ROBO2: variants seen among roughly 807,000 people sequenced by gnomAD.
ROBO2 encodes roundabout guidance receptor 2.
In ROBO2, 53 loss-of-function variants were observed where a neutral mutation model predicts 160.8. That is an observed-to-expected ratio of 0.33 (90% confidence interval 0.26 to 0.41). The LOEUF is 0.41. Among genes scored for constraint, ROBO2 ranks in the 10% least tolerant of loss-of-function variants. ROBO2 has a pLI of 1.00. For missense variants in ROBO2, 1,577 were observed against 1,722.4 expected, an observed-to-expected ratio of 0.92 and a Z score of 1.49; for synonymous variants, 664 against 611.7, an observed-to-expected ratio of 1.09 and a Z score of -1.26.
exon 22 of ROBO2, chr3:77,617,596 A>G: frequency 1.2e-6 from 2 of 1,614,172 alleles, no homozygotes; most frequent in Non-Finnish European, 1.7e-6. Context: ...GAAGAAGATG[A>G]TGATAGGGTC....
chr3:76,251,308 G>C (rs1037611130), intron 2 of ROBO2, among the ~76,000 whole-genome samples: 1 of 151,998 alleles, frequency 6.6e-6, no homozygotes, highest in Non-Finnish European at 1.5e-5. Context: ...GGGTATGAAA[G>C]AGACGTGAAA....
chr3:76,119,857 T>A (rs2070646393), intron 2 of ROBO2, among the ~76,000 whole-genome samples: 1 of 150,982 alleles, frequency 6.6e-6, no homozygotes, highest in Non-Finnish European at 1.5e-5. Flanking sequence ...TCTCTCTCTC[T>A]CTCTCCCTCC....
At chr3:77,565,493 C>T (rs1310561562) in intron 12 of ROBO2, among the ~76,000 whole-genome samples, 4 of 151,948 alleles carry the variant, frequency 2.6e-5, no homozygotes, top group Non-Finnish European at 5.9e-5. Context: ...AAAATTATGT[C>T]CTATTGTTTC....
At chr3:77,384,590 G>A (rs147711441) in intron 2 of ROBO2, among the ~76,000 whole-genome samples, 95 of 152,226 alleles carry the variant, frequency 6.2e-4, no homozygotes, top group African/African-American at 2.2e-3. Context: ...GACACAAATT[G>A]TACCTTATTA....
chr3:77,384,555 CT>C (rs1320281472), intron 2 of ROBO2, among the ~76,000 whole-genome samples: 3 of 152,154 alleles, frequency 2.0e-5, no homozygotes, highest in Non-Finnish European at 4.4e-5. Context: ...TCTCCTATTA[CT>C]GAGAAGATTA....
intron 2 of ROBO2, among the ~76,000 whole-genome samples, chr3:75,939,397 C>A (rs573931409): frequency 6.6e-6 from 1 of 152,188 alleles, no homozygotes; most frequent in African/African-American, 2.4e-5. Flanking sequence ...TTTATTTACT[C>A]AATATTGATT....
At chr3:76,688,081 C>T (rs1292797856) in intron 2 of ROBO2, among the ~76,000 whole-genome samples, 3 of 151,964 alleles carry the variant, frequency 2.0e-5, no homozygotes, top group Non-Finnish European at 4.4e-5. Flanking sequence ...AGAATCATAT[C>T]GATGACTGAA....
intron 2 of ROBO2, among the ~76,000 whole-genome samples, chr3:77,279,137 G>A (rs73845556): frequency 0.02 from 3,042 of 152,050 alleles, 75 homozygotes; most frequent in African/African-American, 0.07. Context: ...AACTGAAAAC[G>A]TCTCTTTTTT....
At chr3:77,018,726 G>T (rs1012272876) in intron 2 of ROBO2, among the ~76,000 whole-genome samples, 7 of 152,072 alleles carry the variant, frequency 4.6e-5, no homozygotes, top group Non-Finnish European at 5.9e-5. Context: ...AGAAAAAATG[G>T]TTTGCAAAAA....
intron 2 of ROBO2, among the ~76,000 whole-genome samples, chr3:76,740,232 G>T (rs1036807599): frequency 3.3e-5 from 5 of 152,146 alleles, no homozygotes; most frequent in Non-Finnish European, 5.9e-5. Context: ...AAAATGTCTT[G>T]TGAAAACCTC....
At chr3:77,224,978 C>T (rs2086300672) in intron 2 of ROBO2, among the ~76,000 whole-genome samples, 1 of 151,730 alleles carries the variant, frequency 6.6e-6, no homozygotes, top group Non-Finnish European at 1.5e-5. Flanking sequence ...CCAAATTTAT[C>T]ATTATATGAT....
chr3:76,926,289 A>C (rs1372282684), intron 2 of ROBO2, among the ~76,000 whole-genome samples: 1 of 152,198 alleles, frequency 6.6e-6, no homozygotes, highest in Admixed American at 6.5e-5. Context: ...CCTTTTACAT[A>C]AAAGCGTGAC....
intron 2 of ROBO2, among the ~76,000 whole-genome samples, chr3:76,654,198 C>A (rs1050138382): frequency 6.6e-6 from 1 of 151,968 alleles, no homozygotes; most frequent in Non-Finnish European, 1.5e-5. Flanking sequence ...TTTAGAAAGC[C>A]GTCATTAATT....
chr3:76,926,423 T>C (rs2076995188), intron 2 of ROBO2, among the ~76,000 whole-genome samples: 1 of 152,214 alleles, frequency 6.6e-6, no homozygotes, highest in Non-Finnish European at 1.5e-5. Flanking sequence ...TGAATCCCTT[T>C]AGGTTCTTTT....
chr3:76,647,223 C>T (rs1295490102), intron 2 of ROBO2, among the ~76,000 whole-genome samples: 1 of 152,134 alleles, frequency 6.6e-6, no homozygotes, highest in African/African-American at 2.4e-5. Context: ...TATGATGTAG[C>T]TAGCTCTGCA....
At chr3:75,952,706 A>T (rs1948591996) in intron 2 of ROBO2, among the ~76,000 whole-genome samples, 1 of 151,972 alleles carries the variant, frequency 6.6e-6, no homozygotes, top group Non-Finnish European at 1.5e-5. Flanking sequence ...GTTTTGTCAA[A>T]TGTGTAATGA....
intron 2 of ROBO2, among the ~76,000 whole-genome samples, chr3:77,313,877 C>G (rs879635644): frequency 6.6e-6 from 1 of 152,154 alleles, no homozygotes; most frequent in East Asian, 1.9e-4. Flanking sequence ...AGCCACCGCC[C>G]CTGGCCAGGA....
At chr3:76,100,382 T>A (rs537881544) in intron 2 of ROBO2, among the ~76,000 whole-genome samples, 1 of 152,236 alleles carries the variant, frequency 6.6e-6, no homozygotes, top group African/African-American at 2.4e-5. Context: ...ACATGAAAAC[T>A]GCTCTTTGTC....
chr3:76,648,717 C>A (rs13075964), intron 2 of ROBO2, among the ~76,000 whole-genome samples: 31,105 of 151,716 alleles, frequency 0.21, 3,358 homozygotes, highest in Middle Eastern at 0.23. Context: ...TATGAGTATC[C>A]ACTGTACTAT....
Sources: gnomAD v4.1 joint callset for allele counts (sites outside exome capture counted in the v4.1 genomes callset) on GRCh38, gnomAD v4.1.1 for gene constraint, MANE v1.5 for transcripts, NCBI Gene and HGNC (gene_info 2026-07-23, HGNC 2026-07-21) for gene names.